The following SHANK2 variants were observed in gnomAD, a reference collection of about 807,000 sequenced individuals.
SHANK2 encodes SH3 and multiple ankyrin repeat domains 2.
In SHANK2, 43 loss-of-function variants were observed where a neutral mutation model predicts 133.7. That is an observed-to-expected ratio of 0.32 (90% confidence interval 0.25 to 0.41). The LOEUF is 0.41. Among genes scored for constraint, SHANK2 ranks in the 10% least tolerant of loss-of-function variants. The pLI is 1.00. For missense variants in SHANK2, 1,994 were observed against 2,235.8 expected (o/e 0.89, Z 2.18); for synonymous variants, 1,017 against 952.8 (o/e 1.07, Z -1.24).
intron 10 of SHANK2, among the ~76,000 whole-genome samples, chr11:70,904,165 G>C (rs1590815859): frequency 6.6e-6 from 1 of 152,182 alleles, no homozygotes; most frequent in African/African-American, 2.4e-5. Flanking sequence ...CACTCAAGTA[G>C]TAAGTGGTGA....
At chr11:71,058,234 C>A (rs1950945401) in intron 9 of SHANK2, among the ~76,000 whole-genome samples, 1 of 152,166 alleles carries the variant, frequency 6.6e-6, no homozygotes, top group Admixed American at 6.5e-5. Flanking sequence ...CTGCATCCAT[C>A]CATTGATTGG....
At chr11:70,555,951 A>G (rs2059822998) in intron 17 of SHANK2, among the ~76,000 whole-genome samples, 1 of 152,202 alleles carries the variant, frequency 6.6e-6, no homozygotes, top group Admixed American at 6.5e-5. Context: ...AAAAGTCTGA[A>G]GCTAGCAAGG....
At chr11:71,147,524 G>C (rs782458032) in intron 2 of SHANK2, among the ~76,000 whole-genome samples, 186 bp from the exon 3 acceptor site, 1 of 152,168 alleles carries the variant, frequency 6.6e-6, no homozygotes, top group Non-Finnish European at 1.5e-5. Context: ...GCGGACACAA[G>C]TCGGCACCGC....
intron 15 of SHANK2, among the ~76,000 whole-genome samples, chr11:70,682,309 C>A (rs1360029713): frequency 6.6e-6 from 1 of 152,236 alleles, no homozygotes; most frequent in Non-Finnish European, 1.5e-5. Context: ...AAGCTGGGCA[C>A]CAACAGAGTG....
chr11:70,886,033 C>T (rs930321335), intron 11 of SHANK2, among the ~76,000 whole-genome samples: 7 of 152,178 alleles, frequency 4.6e-5, no homozygotes, highest in African/African-American at 7.2e-5. Flanking sequence ...GAGTGGCAGA[C>T]GAACAACAGA....
chr11:71,172,580 AGAGT>A (rs1343631323), intron 2 of SHANK2, among the ~76,000 whole-genome samples: 1 of 145,838 alleles, frequency 6.9e-6, no homozygotes, highest in African/African-American at 2.5e-5. Context: ...CCTGGGTGAC[AGAGT>A]GAGACTCTGT....
chr11:70,538,510 C>G (rs1178119867), intron 17 of SHANK2, among the ~76,000 whole-genome samples: 2 of 152,246 alleles, frequency 1.3e-5, no homozygotes. Flanking sequence ...TGAGCCAGTG[C>G]TAAGGAGGTG....
At chr11:70,718,310 G>A (rs782755285) in intron 14 of SHANK2, among the ~76,000 whole-genome samples, 4 of 152,216 alleles carry the variant, frequency 2.6e-5, no homozygotes, top group Admixed American at 6.5e-5. Flanking sequence ...AGGGGCAGCC[G>A]GGCAGCCAAG....
intron 17 of SHANK2, among the ~76,000 whole-genome samples, chr11:70,525,523 G>A (rs1270809085): frequency 6.6e-6 from 1 of 152,040 alleles, no homozygotes; most frequent in Non-Finnish European, 1.5e-5. Context: ...AGAGAGAGGT[G>A]AGAGAAAAGG....
At chr11:70,589,564 C>T (rs1475605480) in intron 17 of SHANK2, among the ~76,000 whole-genome samples, 1 of 136,992 alleles carries the variant, frequency 7.3e-6, no homozygotes, top group Non-Finnish European at 1.5e-5. Context: ...GTCTATGGAT[C>T]AAGGAATAAT....
At chr11:71,196,884 G>A (rs1953915317) in intron 2 of SHANK2, among the ~76,000 whole-genome samples, 1 of 151,354 alleles carries the variant, frequency 6.6e-6, no homozygotes, top group Non-Finnish European at 1.5e-5. Context: ...TATAATCCCA[G>A]CTACTCAGGA....
At chr11:70,895,080 G>A (rs537373308) in intron 11 of SHANK2, among the ~76,000 whole-genome samples, 8 of 152,348 alleles carry the variant, frequency 5.3e-5, no homozygotes, top group African/African-American at 1.9e-4. Context: ...GCAATTAAGT[G>A]ATTTGCCCTG....
intron 3 of SHANK2, among the ~76,000 whole-genome samples, chr11:71,143,404 T>C (rs1481557623): frequency 6.6e-6 from 1 of 152,194 alleles, no homozygotes; most frequent in Admixed American, 6.5e-5. Flanking sequence ...TCCATGCTTT[T>C]CGCACAAAAC....
chr11:71,086,081 A>T (rs1951402485), intron 8 of SHANK2, among the ~76,000 whole-genome samples: 1 of 27,866 alleles, frequency 3.6e-5, no homozygotes, highest in Non-Finnish European at 7.1e-5. Flanking sequence ...ATATTATGTT[A>T]TATAATATAT....
At position 70,504,351 on chromosome 11, in the gene SHANK2, C is replaced by G. The variant is rs114321149; in HGVS notation, c.2062-1420G>C. ...CACCATACTGTTGACAGGCCCAGTGCCTGGCTCCCCATACTGTTGACAGGC... is the reference window on the plus strand; with the variant it reads ...CACCATACTGTTGACAGGCCCAGTGGCTGGCTCCCCATACTGTTGACAGGC... On this transcript the variant is annotated intron_variant, in intron 17 of 25. Transcript: ENST00000601538. Among the ~76,000 whole-genome samples the G allele has an allele frequency of 3.1e-3, 465 of 150,960 alleles. 3 individuals carry two copies. Among genetic ancestry groups the G allele is most frequent in the African/African-American group, 0.011 (444 of 40,976 alleles).
intron 10 of SHANK2, among the ~76,000 whole-genome samples, chr11:70,944,967 A>T (rs1377102854): frequency 6.6e-6 from 1 of 152,190 alleles, no homozygotes; most frequent in East Asian, 1.9e-4. Context: ...CACTGAGGAT[A>T]TTAGGTACAG....
At chr11:71,100,866 CA>C (rs781807117) in intron 6 of SHANK2, among the ~76,000 whole-genome samples, 36,227 of 99,750 alleles carry the variant, frequency 0.36, 4,985 homozygotes, top group South Asian at 0.43. Context: ...GACTCCGTCT[CA>C]AAAAAAAAAA....
intron 11 of SHANK2, among the ~76,000 whole-genome samples, chr11:70,823,404 G>A (rs1948576176): frequency 7.1e-6 from 1 of 141,062 alleles, no homozygotes; most frequent in Non-Finnish European, 1.5e-5. Flanking sequence ...GGACAGAGGT[G>A]GCGTTGGCAG....
chr11:70,521,634 CTGTATG>C (rs1554971014), intron 17 of SHANK2, among the ~76,000 whole-genome samples: 3 of 152,156 alleles, frequency 2.0e-5, no homozygotes, highest in African/African-American at 7.2e-5. Context: ...CTGTGTGTTT[CTGTATG>C]TGTATGTGTG....
Sources: allele counts gnomAD v4.1 joint callset (sites outside exome capture counted in the v4.1 genomes callset), GRCh38; gene constraint gnomAD v4.1.1; transcripts MANE v1.5; gene names NCBI Gene and HGNC (gene_info 2026-07-23, HGNC 2026-07-21).